CERS6: variants seen among roughly 807,000 people sequenced by gnomAD.
CERS6 encodes ceramide synthase 6, also known as LAG1 homolog, ceramide synthase 6.
CERS6 carries 26 observed loss-of-function variants against 56.8 expected under a neutral mutation model. The ratio of observed to expected loss-of-function variants is 0.46; its 90% CI spans 0.34 to 0.63. CERS6 has a LOEUF of 0.63. Among genes scored for constraint, CERS6 ranks in the 30% least tolerant of loss-of-function variants. The pLI is 0.01. For synonymous variants in CERS6, 164 were observed against 173.3 expected (o/e 0.95, Z 0.42); for missense variants, 415 against 467.5 (o/e 0.89, Z 1.04).
chr2:168,586,618 G>C (rs751946514), intron 3 of CERS6, among the ~76,000 whole-genome samples: 2 of 151,908 alleles, frequency 1.3e-5, no homozygotes, highest in Non-Finnish European at 2.9e-5. Flanking sequence ...GATTGTTTGG[G>C]GTCCATTTTT....
chr2:168,683,176 T>A (rs1313054367), intron 4 of CERS6, among the ~76,000 whole-genome samples: 1 of 152,238 alleles, frequency 6.6e-6, no homozygotes, highest in African/African-American at 2.4e-5. Flanking sequence ...ATGTACATTT[T>A]AAAGACTCTT....
At chr2:168,730,411 G>C (rs1473865131) in intron 8 of CERS6, among the ~76,000 whole-genome samples, 2 of 152,242 alleles carry the variant, frequency 1.3e-5, no homozygotes, top group African/African-American at 4.8e-5. Flanking sequence ...TTTGATGATT[G>C]CGTGTTGTAT....
intron 3 of CERS6, among the ~76,000 whole-genome samples, chr2:168,580,894 C>G (rs1683391795): frequency 6.6e-6 from 1 of 152,056 alleles, no homozygotes; most frequent in South Asian, 2.1e-4. Context: ...AGATAATGCC[C>G]TTTTTATCCC....
intron 1 of CERS6, among the ~76,000 whole-genome samples, chr2:168,508,287 T>C (rs2105349023): frequency 6.6e-6 from 1 of 152,294 alleles, no homozygotes; most frequent in Non-Finnish European, 1.5e-5. Flanking sequence ...CTGGGTAAAA[T>C]AGCAAAGCCT....
intron 3 of CERS6, among the ~76,000 whole-genome samples, chr2:168,589,832 C>T (rs1683631690): frequency 6.6e-6 from 1 of 152,158 alleles, no homozygotes; most frequent in Non-Finnish European, 1.5e-5. Flanking sequence ...AGAAAGAGGG[C>T]TTCAAGGAAC....
At chr2:168,740,555 C>A (rs894461681) in intron 8 of CERS6, among the ~76,000 whole-genome samples, 2 of 152,154 alleles carry the variant, frequency 1.3e-5, no homozygotes, top group Non-Finnish European at 2.9e-5. Flanking sequence ...CTGTTAACAT[C>A]CAACCTTTTC....
At chr2:168,689,153 A>G (rs1686432458) in intron 4 of CERS6, among the ~76,000 whole-genome samples, 1 of 152,138 alleles carries the variant, frequency 6.6e-6, no homozygotes, top group Non-Finnish European at 1.5e-5. Context: ...ATTCCTTTTC[A>G]TTAACATTCA....
chr2:168,665,300 G>GA (rs796747735), intron 4 of CERS6, among the ~76,000 whole-genome samples: 240 of 147,498 alleles, frequency 1.6e-3, no homozygotes, highest in African/African-American at 5.0e-3. Context: ...AGCATTTTAT[G>GA]AAAAAAAAAA....
At chr2:168,511,422 CT>C (rs1252569766) in intron 1 of CERS6, among the ~76,000 whole-genome samples, 1 of 152,144 alleles carries the variant, frequency 6.6e-6, no homozygotes, top group South Asian at 2.1e-4. Context: ...GAAGCCATTG[CT>C]GTATTGTCTT....
chr2:168,495,079 G>C (rs1694442050), intron 1 of CERS6, among the ~76,000 whole-genome samples: 2 of 152,078 alleles, frequency 1.3e-5, no homozygotes, highest in South Asian at 4.1e-4. Context: ...TTGACACATA[G>C]TTTGGCCCAT....
At chr2:168,555,880 AT>A (rs1695669815) in intron 2 of CERS6, among the ~76,000 whole-genome samples, 1 of 151,864 alleles carries the variant, frequency 6.6e-6, no homozygotes, top group Admixed American at 6.6e-5. Context: ...GTAGGTATAT[AT>A]TTTTTTCTTT....
At chr2:168,690,130 G>A (rs1363220298) in intron 4 of CERS6, among the ~76,000 whole-genome samples, 3 of 152,178 alleles carry the variant, frequency 2.0e-5, no homozygotes, top group Non-Finnish European at 4.4e-5. Flanking sequence ...TTAGCCACCT[G>A]AAGCTAATTG....
chr2:168,645,072 C>T (rs1378629990), intron 4 of CERS6, among the ~76,000 whole-genome samples: 1 of 106,434 alleles, frequency 9.4e-6, no homozygotes, highest in Non-Finnish European at 1.7e-5. Flanking sequence ...GCCTGGGTGA[C>T]AGAGCGAGAC....
At chr2:168,631,358 T>C (rs1300510072) in intron 4 of CERS6, among the ~76,000 whole-genome samples, 1 of 142,232 alleles carries the variant, frequency 7.0e-6, no homozygotes, top group African/African-American at 2.6e-5. Flanking sequence ...GTATTACCAC[T>C]GTACTCTTCA....
chr2:168,695,041 T>C lies in CERS6; in HGVS notation c.599T>C (p.Ile200Thr), dbSNP rs1264379630. 3 of 1,612,220 alleles carry C rather than the reference T, an allele frequency of 1.9e-6. No individual in the cohort carries two copies. Among genetic ancestry groups the C allele is most frequent in the South Asian group, 2.2e-5 (2 of 91,028 alleles). The stretch of plus-strand genomic sequence containing the variant: ...TTGATGTTTTCTCAGTTCACTGATA[T>C]CAAAAGAAAGGTAAGAGCGGTTATG... ...WSLMFSQFTD[I>T]KRKDFGIMFL... Residue 200 changes from isoleucine (I) to threonine (T), a missense_variant, in exon 6 of 10, where the codon ATC (isoleucine) becomes ACC (threonine). Transcript: ENST00000305747.
At chr2:168,486,767 A>G (rs1694284139) in intron 1 of CERS6, among the ~76,000 whole-genome samples, 1 of 152,034 alleles carries the variant, frequency 6.6e-6, no homozygotes, top group South Asian at 2.1e-4. Flanking sequence ...TATACCCATG[A>G]CTACTGAAGG....
intron 1 of CERS6, among the ~76,000 whole-genome samples, chr2:168,495,508 A>G (rs1694450817): frequency 6.6e-6 from 1 of 152,220 alleles, no homozygotes; most frequent in African/African-American, 2.4e-5. Flanking sequence ...TGGAGAAGCA[A>G]ACGCAAACCT....
intron 3 of CERS6, among the ~76,000 whole-genome samples, chr2:168,602,378 A>G (rs867458064): frequency 1.3e-5 from 2 of 152,246 alleles, no homozygotes; most frequent in African/African-American, 2.4e-5. Flanking sequence ...TGCTAAATGT[A>G]TAAGTACTTT....
At chr2:168,549,669 C>T (rs1392818565) in intron 2 of CERS6, among the ~76,000 whole-genome samples, 2 of 152,074 alleles carry the variant, frequency 1.3e-5, no homozygotes, top group Non-Finnish European at 1.5e-5. Context: ...ATACTTGCTT[C>T]TAGCTAATTT....
Sources: gnomAD v4.1 joint callset for allele counts (sites outside exome capture counted in the v4.1 genomes callset) on GRCh38, gnomAD v4.1.1 for gene constraint, MANE v1.5 for transcripts, NCBI Gene and HGNC (gene_info 2026-07-23, HGNC 2026-07-21) for gene names.